The following DSN1 variants were observed in gnomAD, a reference collection of about 807,000 sequenced individuals.
The protein encoded by DSN1 is kinetochore-associated protein DSN1 homolog.
In DSN1, 31 loss-of-function variants were observed where a neutral mutation model predicts 45.7. The observed-to-expected ratio is 0.68, with a 90% CI of 0.51 to 0.92. The LOEUF is 0.92. Ranked by LOEUF, DSN1 falls within the 40% of genes least tolerant of loss-of-function variation. The pLI, the probability that DSN1 is intolerant of heterozygous loss-of-function variation, is 0.00. For missense variants in DSN1, 394 were observed against 414.2 expected (o/e 0.95, Z 0.42); for synonymous variants, 134 against 142.3 (o/e 0.94, Z 0.41).
Position 36,752,717 on chromosome 20 carries a change from G to A in DSN1, c.*71C>T. The A allele has an allele frequency of 7.9e-7, 1 of 1,266,482 alleles. No homozygotes were observed. Among genetic ancestry groups the A allele is most frequent in the Non-Finnish European group, 1.2e-6 (1 of 869,022 alleles). 78.5% of individuals were successfully genotyped at this position (1,266,482 alleles called of 1,614,324 possible). ...AAAGGCAACGAGCAGAAATCACGCA[G>A]TCACCACGTGCTGGGGCACTCTTCC... On this transcript the variant is annotated 3_prime_UTR_variant, in exon 11 of 11. Coordinates refer to ENST00000373750, the MANE Select transcript of DSN1 (RefSeq NM_001145315.2).
rs201699776 is a variant in DSN1, at chr20:36,754,854, T to C, written c.874-4A>G. The C allele has an allele frequency of 3.8e-5, 62 of 1,613,300 alleles. No individual in the cohort carries two copies. Among genetic ancestry groups the C allele is most frequent in the Non-Finnish European group, 5.1e-5 (60 of 1,179,602 alleles). On this transcript the variant is annotated splice_region_variant and splice_polypyrimidine_tract_variant and intron_variant, in intron 9 of 10. Transcript: ENST00000373750. ...CTGATCCTTGCAGTTCATCCATCTG[T>C]AGAAAAAAGACAGCTGTGAGCTGTA...
In DSN1 at chr20:36,758,611, T is replaced by C. The variant is rs1230351230; in HGVS notation, c.597A>G (p.Ala199=). The change falls in exon 7 of 11, where the codon GCA becomes GCG. Residue 199 remains alanine, a synonymous_variant. Transcript: ENST00000373750. ...CAGATGCTTCCAAAGAAAAATCTGA[T>C]GCTTTTCTGGAAAACAGATAGGATT... The part of the protein sequence containing the change: ...QKCFEDSNGK[A]SDFSLEASVA... 6.2e-7 allele frequency: 1 copy of C among 1,611,332 alleles called. No individual in the cohort carries two copies. Among genetic ancestry groups the C allele is most frequent in the Admixed American group, 1.7e-5 (1 of 59,870 alleles).
intron 1 of DSN1, 58 bp downstream of exon 1, chr20:36,773,604 C>A: frequency 1.0e-6 from 1 of 985,720 alleles, no homozygotes; most frequent in Non-Finnish European, 1.2e-6. Context: ...CGGGCGGGGC[C>A]ACATCAGAGG....
Position 36,758,109 on chromosome 20 carries a change from C to T in DSN1, c.703G>A (p.Glu235Lys). ...WDQLLLHYQQ[E>K]AKEILSRGST... Reference sequence around the variant, plus strand: ...AACCTGGACAATATCTCTTTAGCCTCCTGCTGGTAGTGAAGCAAGAGCTGA... The same window carrying T: ...AACCTGGACAATATCTCTTTAGCCTTCTGCTGGTAGTGAAGCAAGAGCTGA... The change falls in exon 8 of 11, where the codon GAG becomes AAG. Residue 235 changes from glutamate to lysine, a missense_variant. Physicochemically the swap from Glu to Lys is moderately conservative, Grantham distance 56. Coordinates refer to ENST00000373750, the MANE Select transcript of DSN1 (RefSeq NM_001145315.2). 1 of 1,614,096 alleles carries T rather than the reference C, an allele frequency of 6.2e-7. No homozygotes were observed. The highest frequency in any genetic ancestry group is 1.1e-5 in the South Asian group (1 of 91,052).
intron 10 of DSN1, 64 bp from the exon 11 acceptor site, chr20:36,752,961 T>A: frequency 7.6e-7 from 1 of 1,318,954 alleles, no homozygotes; most frequent in South Asian, 1.2e-5. Flanking sequence ...ATTGAAAACT[T>A]AATGTAGGGA....
chr20:36,755,888 C>G, intron 8 of DSN1, 59 bp from the exon 9 acceptor site: 1 of 1,567,150 alleles, frequency 6.4e-7, no homozygotes, highest in Non-Finnish European at 8.7e-7. Flanking sequence ...GGAAGAGATA[C>G]CAAAGATTAT....
chr20:36,759,625 A>C (rs1986863656), intron 6 of DSN1, among the ~76,000 whole-genome samples: 1 of 151,628 alleles, frequency 6.6e-6, no homozygotes. Flanking sequence ...CTGGGACTAC[A>C]GGCGCCCGCC....
intron 6 of DSN1, among the ~76,000 whole-genome samples, 172 bp from the exon 7 acceptor site, chr20:36,758,789 CAG>C (rs1209242070): frequency 6.7e-6 from 1 of 150,066 alleles, no homozygotes; most frequent in African/African-American, 2.5e-5. Context: ...CCTGGTTCAA[CAG>C]ATTCTCCTGC....
At chr20:36,761,948 G>A (rs908688235) in intron 6 of DSN1, among the ~76,000 whole-genome samples, 2 of 151,886 alleles carry the variant, frequency 1.3e-5, no homozygotes, top group African/African-American at 2.4e-5. Context: ...GATGGAGGTT[G>A]CAGTAAGCCA....
At position 36,771,133 on chromosome 20, in the gene DSN1, A is replaced by G. The variant is rs1987626628; in HGVS notation, c.95T>C (p.Val32Ala). 2.5e-6 allele frequency: 4 copies of G among 1,614,196 alleles called. No individual in the cohort carries two copies. The highest frequency in any genetic ancestry group is 3.4e-6 in the Non-Finnish European group (4 of 1,180,042). Residue 32 changes from valine (V) to alanine (A), a missense_variant, in exon 3 of 11, where the codon GTG becomes GCG. Coordinates refer to ENST00000373750, the MANE Select transcript of DSN1 (RefSeq NM_001145315.2). ...GGCAGATGTTTTAGCAAACACTTCC[A>G]CAGGACTGAGACTTGATTCCAATTG... ...DHQLESSLSPVEVFAKTSASL... is the reference protein window; with the variant it reads ...DHQLESSLSPAEVFAKTSASL...
intron 6 of DSN1, among the ~76,000 whole-genome samples, chr20:36,761,557 C>T (rs1318041788): frequency 6.6e-6 from 1 of 151,922 alleles, no homozygotes; most frequent in Non-Finnish European, 1.5e-5. Flanking sequence ...CATAGGGAGA[C>T]CCCGCCTTTA....
intron 3 of DSN1, 58 bp downstream of exon 3, chr20:36,770,815 T>C (rs1470883802): frequency 3.9e-6 from 6 of 1,534,652 alleles, no homozygotes; most frequent in Admixed American, 1.9e-5. Flanking sequence ...TTATCTGAGC[T>C]GGAACCTGTC....
At position 36,758,116 on chromosome 20, in the gene DSN1, G is replaced by T; in HGVS notation, c.696C>A (p.Tyr232Ter). 6.2e-7 allele frequency: 1 copy of T among 1,614,034 alleles called. No individual in the cohort carries two copies. Among genetic ancestry groups the T allele is most frequent in the Non-Finnish European group, 8.5e-7 (1 of 1,179,968 alleles). Residue 232 changes from tyrosine to a stop codon, truncating the protein, a stop_gained, in exon 8 of 11, where the codon TAC becomes TAA. Transcript: ENST00000373750. LOFTEE classifies it high-confidence loss of function. ...ACAATATCTCTTTAGCCTCCTGCTG[G>T]TAGTGAAGCAAGAGCTGATCCCAAG... Reference protein sequence around the residue: ...RQTWDQLLLHYQQEAKEILSR... With the variant: ...RQTWDQLLLH
Position 36,755,669 on chromosome 20 carries a change from T to G in DSN1, c.873+13A>C. The G allele has an allele frequency of 6.2e-7, 1 of 1,608,356 alleles. No homozygotes were observed. The highest frequency in any genetic ancestry group is 8.5e-7 in the Non-Finnish European group (1 of 1,177,792). Reference sequence around the variant, plus strand: ...GCTGGATAACTCAACTAAATAAACATGAGCCCACTTACCACCAACTCCATA... The same window carrying G: ...GCTGGATAACTCAACTAAATAAACAGGAGCCCACTTACCACCAACTCCATA... On this transcript the variant is annotated intron_variant, in intron 9 of 10. Coordinates refer to ENST00000373750, the MANE Select transcript of DSN1 (RefSeq NM_001145315.2).
chr20:36,762,183 T>G (rs1226620397), intron 6 of DSN1, among the ~76,000 whole-genome samples: 2 of 149,592 alleles, frequency 1.3e-5, no homozygotes, highest in East Asian at 4.0e-4. Context: ...CTTGGCTCAT[T>G]GCAAGCTCCG....
chr20:36,762,325 T>C, intron 6 of DSN1, 136 bp downstream of exon 6: 1 of 578,040 alleles, frequency 1.7e-6, no homozygotes, highest in Non-Finnish European at 2.9e-6. Flanking sequence ...TTAGCCAGGA[T>C]GGCCTTGATC....
At chr20:36,765,038 C>T (rs374785205) in intron 5 of DSN1, among the ~76,000 whole-genome samples, 3 of 151,782 alleles carry the variant, frequency 2.0e-5, no homozygotes, top group East Asian at 1.9e-4. Flanking sequence ...CTTCTATCAC[C>T]TATCATATAG....
intron 3 of DSN1, among the ~76,000 whole-genome samples, chr20:36,768,549 G>GT (rs1168925730): frequency 6.6e-6 from 1 of 152,166 alleles, no homozygotes; most frequent in Non-Finnish European, 1.5e-5. Flanking sequence ...GTAATTTTTT[G>GT]TATTTTTAGT....
At chr20:36,767,670 G>A (rs920194591) in intron 4 of DSN1, among the ~76,000 whole-genome samples, 4 of 152,284 alleles carry the variant, frequency 2.6e-5, no homozygotes, top group Admixed American at 1.3e-4. Context: ...TTGGGAGGCC[G>A]AGGCAGGCGG....
Sources: gnomAD v4.1 joint callset for allele counts (sites outside exome capture counted in the v4.1 genomes callset) on GRCh38, gnomAD v4.1.1 for gene constraint, MANE v1.5 for transcripts, NCBI Gene and HGNC (gene_info 2026-07-23, HGNC 2026-07-21) for gene names.